Variants in EXOC2 observed in about 807,000 individuals in gnomAD.
EXOC2 encodes the protein SEC5-like 1.
Under a neutral mutation model 131.8 loss-of-function variants are expected in EXOC2, and 70 were observed. The observed-to-expected ratio is 0.53, with a 90% confidence interval of 0.44 to 0.65. The LOEUF (loss-of-function observed/expected upper bound fraction) is 0.65. Ranked by LOEUF, EXOC2 falls within the 30% of genes least tolerant of loss-of-function variation. The probability of loss-of-function intolerance (pLI) is 0.00; values close to 1 mark genes in which losing one functional copy is unlikely to be tolerated. For missense variants in EXOC2, 923 were observed against 1,108.6 expected, an observed-to-expected ratio of 0.83 and a Z score of 2.38; for synonymous variants, 411 against 398.4, an observed-to-expected ratio of 1.03 and a Z score of -0.38.
At chr6:628,608 C>A (rs763198282) in intron 4 of EXOC2, among the ~76,000 whole-genome samples, 36 of 152,178 alleles carry the variant, frequency 2.4e-4, no homozygotes, top group Admixed American at 5.9e-4. Context: ...TTTTGTATAT[C>A]TCCATATTCC....
intron 6 of EXOC2, among the ~76,000 whole-genome samples, chr6:612,765 A>G (rs1172092009): frequency 6.6e-6 from 1 of 152,160 alleles, no homozygotes; most frequent in Non-Finnish European, 1.5e-5. Flanking sequence ...GAAGACAAAT[A>G]AGACAGAGCG....
At chr6:502,809 A>T (rs1449318615) in intron 23 of EXOC2, among the ~76,000 whole-genome samples, 1 of 152,240 alleles carries the variant, frequency 6.6e-6, no homozygotes, top group South Asian at 2.1e-4. Context: ...GAATGAAAAA[A>T]AGGAAATAAT....
chr6:504,455 G>A (rs1764412262), intron 23 of EXOC2, among the ~76,000 whole-genome samples: 2 of 152,220 alleles, frequency 1.3e-5, no homozygotes, highest in African/African-American at 4.8e-5. Context: ...CTTTTTCAAA[G>A]GGCCAGTGAC....
intron 24 of EXOC2, among the ~76,000 whole-genome samples, 175 bp downstream of exon 24, chr6:499,470 C>CACAGAG (rs1443109556): frequency 4.8e-5 from 7 of 145,126 alleles, no homozygotes; most frequent in South Asian, 2.2e-4. Context: ...CACACACACA[C>CACAGAG]ACAGAGACAG....
chr6:491,288 G>C (rs1232801129), intron 25 of EXOC2, 102 bp from the exon 26 acceptor site: 30 of 1,228,954 alleles, frequency 2.4e-5, no homozygotes, highest in Non-Finnish European at 3.3e-5. Context: ...TCGTAGGATG[G>C]GGTTGGCGTA....
chr6:560,232 C>T (rs1757629666), intron 17 of EXOC2, among the ~76,000 whole-genome samples: 1 of 152,212 alleles, frequency 6.6e-6, no homozygotes, highest in South Asian at 2.1e-4. Context: ...TAACCCACAT[C>T]ACTGTGAAGA....
chr6:616,219 C>G (rs1760990183), intron 6 of EXOC2, among the ~76,000 whole-genome samples: 1 of 152,186 alleles, frequency 6.6e-6, no homozygotes, highest in Non-Finnish European at 1.5e-5. Flanking sequence ...AAGAATGGCA[C>G]ACCATCAAGA....
intron 11 of EXOC2, among the ~76,000 whole-genome samples, chr6:589,313 AACTG>A (rs1177410563): frequency 6.7e-6 from 1 of 150,364 alleles, no homozygotes; most frequent in Non-Finnish European, 1.5e-5. Context: ...CGATCCAGAG[AACTG>A]ACTGTCGAGC....
chr6:594,440 C>T (rs1470498811), intron 10 of EXOC2, among the ~76,000 whole-genome samples: 1 of 152,214 alleles, frequency 6.6e-6, no homozygotes, highest in Non-Finnish European at 1.5e-5. Flanking sequence ...TTTCTCCTAA[C>T]ACTTTCACTC....
At chr6:668,671 T>G (rs990398656) in intron 1 of EXOC2, among the ~76,000 whole-genome samples, 12 of 152,192 alleles carry the variant, frequency 7.9e-5, no homozygotes, top group Non-Finnish European at 1.5e-4. Flanking sequence ...GTAGAGATAC[T>G]ATGGTCTCTT....
intron 13 of EXOC2, among the ~76,000 whole-genome samples, chr6:571,427 G>A (rs1054006270): frequency 6.6e-6 from 1 of 152,176 alleles, no homozygotes; most frequent in African/African-American, 2.4e-5. Context: ...AATCCAGCGG[G>A]TTTACAACGG....
intron 26 of EXOC2, 135 bp downstream of exon 26, chr6:490,990 C>A: frequency 1.1e-6 from 1 of 890,766 alleles, no homozygotes; most frequent in South Asian, 1.6e-5. Context: ...ACAAAGTGGC[C>A]TTGACATAAA....
intron 1 of EXOC2, among the ~76,000 whole-genome samples, chr6:690,220 G>A (rs1185092334): frequency 6.6e-6 from 1 of 152,136 alleles, no homozygotes; most frequent in Non-Finnish European, 1.5e-5. Context: ...GCCGAACCCG[G>A]TGGCACGCAC....
chr6:657,065 C>T, intron 1 of EXOC2: 1 of 840,272 alleles, frequency 1.2e-6, no homozygotes, highest in Non-Finnish European at 1.8e-6. Flanking sequence ...CCCAGCTAGG[C>T]AGGCACTCGG....
intron 23 of EXOC2, among the ~76,000 whole-genome samples, chr6:518,893 T>C (rs887543301): frequency 1.3e-5 from 2 of 152,190 alleles, no homozygotes; most frequent in Non-Finnish European, 1.5e-5. Context: ...TAGGGATTGA[T>C]AGTTTTCCAT....
intron 12 of EXOC2, among the ~76,000 whole-genome samples, chr6:573,386 G>A (rs1419464825): frequency 2.0e-5 from 3 of 151,946 alleles, no homozygotes; most frequent in Non-Finnish European, 4.4e-5. Context: ...CCATGCCTTC[G>A]CCCTGCTGCC....
chr6:534,854 T>C (rs1766345069), intron 22 of EXOC2, among the ~76,000 whole-genome samples: 3 of 152,160 alleles, frequency 2.0e-5, no homozygotes, highest in Non-Finnish European at 4.4e-5. Flanking sequence ...CCGAAATAGA[T>C]GATTAGAGAC....
At chr6:546,650 CATA>C (rs1756878140) in intron 22 of EXOC2, among the ~76,000 whole-genome samples, 2 of 152,200 alleles carry the variant, frequency 1.3e-5, no homozygotes, top group South Asian at 2.1e-4. Context: ...TGAAGACCTT[CATA>C]ATAATTATTC....
intron 27 of EXOC2, among the ~76,000 whole-genome samples, chr6:487,268 A>G (rs1763125108): frequency 6.6e-6 from 1 of 152,114 alleles, no homozygotes. Flanking sequence ...TTTTGTATTA[A>G]CAGGTATTAG....
Sources: gnomAD v4.1 joint callset for allele counts (sites outside exome capture counted in the v4.1 genomes callset) on GRCh38, gnomAD v4.1.1 for gene constraint, MANE v1.5 for transcripts, NCBI Gene and HGNC (gene_info 2026-07-23, HGNC 2026-07-21) for gene names.